The following ARHGAP15 variants were observed in gnomAD, a reference collection of about 807,000 sequenced individuals.
ARHGAP15 encodes Rho GTPase activating protein 15, also known as rho GTPase-activating protein 15.
In ARHGAP15, 51 loss-of-function variants were observed where a neutral mutation model predicts 63.7. That is an observed-to-expected ratio of 0.80 (90% CI 0.64 to 1.01). ARHGAP15 has a LOEUF of 1.01. Ranked by LOEUF, ARHGAP15 falls within the 50% of genes least tolerant of loss-of-function variation. The pLI is 0.00. For synonymous variants in ARHGAP15, 191 were observed against 193.8 expected, an observed-to-expected ratio of 0.99 and a Z score of 0.12; for missense variants, 560 against 564.6, an observed-to-expected ratio of 0.99 and a Z score of 0.08.
intron 6 of ARHGAP15, among the ~76,000 whole-genome samples, chr2:143,252,173 A>G (rs932369164): frequency 5.3e-5 from 8 of 152,070 alleles, no homozygotes; most frequent in African/African-American, 1.9e-4. Flanking sequence ...AATCTTATGA[A>G]GAGTTAAATT....
At chr2:143,701,300 A>G (rs377337953) in intron 12 of ARHGAP15, among the ~76,000 whole-genome samples, 1 of 152,158 alleles carries the variant, frequency 6.6e-6, no homozygotes, top group African/African-American at 2.4e-5. Context: ...ACTCTTTCTT[A>G]TCCTACTGTC....
At chr2:143,591,909 T>C (rs10168425) in intron 11 of ARHGAP15, among the ~76,000 whole-genome samples, 123,222 of 152,098 alleles carry the variant, frequency 0.81, 50,038 homozygotes, top group South Asian at 0.83. Context: ...TGTGAGCCAC[T>C]GCACCTGGCT....
intron 3 of ARHGAP15, among the ~76,000 whole-genome samples, chr2:143,204,663 A>AC (rs888163039): frequency 6.6e-6 from 1 of 151,932 alleles, no homozygotes; most frequent in African/African-American, 2.4e-5. Context: ...CTTTTAGTCT[A>AC]CCCCAGGTAA....
At chr2:143,249,307 T>C (rs572338667) in intron 5 of ARHGAP15, among the ~76,000 whole-genome samples, 41 of 147,526 alleles carry the variant, frequency 2.8e-4, no homozygotes, top group South Asian at 1.1e-3. Flanking sequence ...AAAAGTCTCA[T>C]AATTTACCAT....
intron 1 of ARHGAP15, among the ~76,000 whole-genome samples, chr2:143,147,126 T>G (rs1176872996): frequency 1.3e-5 from 2 of 152,026 alleles, no homozygotes; most frequent in African/African-American, 4.8e-5. Context: ...CCCAGGAAAC[T>G]GAGACAATCG....
chr2:143,431,545 C>A (rs1390989651), intron 6 of ARHGAP15, among the ~76,000 whole-genome samples: 1 of 151,946 alleles, frequency 6.6e-6, no homozygotes, highest in East Asian at 1.9e-4. Context: ...TCATGACCAC[C>A]AGTTTATGCA....
chr2:143,291,277 G>C (rs1381916483), intron 6 of ARHGAP15, among the ~76,000 whole-genome samples: 1 of 152,040 alleles, frequency 6.6e-6, no homozygotes, highest in Admixed American at 6.6e-5. Flanking sequence ...ATTTTGGGGG[G>C]TACTTGGGGA....
At chr2:143,159,850 T>C (rs923071469) in intron 2 of ARHGAP15, among the ~76,000 whole-genome samples, 1 of 151,958 alleles carries the variant, frequency 6.6e-6, no homozygotes, top group Non-Finnish European at 1.5e-5. Context: ...TTTCCTTTTA[T>C]TGCTGTGGAT....
chr2:143,594,313 G>A (rs192484781), intron 11 of ARHGAP15, among the ~76,000 whole-genome samples: 2 of 152,282 alleles, frequency 1.3e-5, no homozygotes, highest in Non-Finnish European at 2.9e-5. Context: ...CAGGTGCAAT[G>A]GGGACATTTC....
chr2:143,552,737 C>G (rs1695626026), intron 10 of ARHGAP15, among the ~76,000 whole-genome samples: 1 of 152,096 alleles, frequency 6.6e-6, no homozygotes, highest in Non-Finnish European at 1.5e-5. Context: ...ACCATTAATG[C>G]CACTCTTATT....
At chr2:143,267,545 T>C (rs1168653100) in intron 6 of ARHGAP15, among the ~76,000 whole-genome samples, 2 of 152,170 alleles carry the variant, frequency 1.3e-5, no homozygotes, top group Non-Finnish European at 2.9e-5. Flanking sequence ...GAATTCAGGG[T>C]GAAATAAGTA....
chr2:143,672,687 C>T lies in ARHGAP15; in HGVS notation c.1139-30732C>T, dbSNP rs74942677. On this transcript the variant is annotated intron_variant, in intron 12 of 13. Transcript: ENST00000295095. ...GGGCCTTCCTCCACTTGCCTTGGAA[C>T]CTTGTCACACTCTAGTTTGAGAATA... Among the ~76,000 whole-genome samples, 8 of 152,152 alleles carry T rather than the reference C, an allele frequency of 5.3e-5. 1 individual carries two copies. The highest frequency in any genetic ancestry group is 3.3e-4 in the Admixed American group (5 of 15,284).
intron 6 of ARHGAP15, among the ~76,000 whole-genome samples, chr2:143,301,068 T>A (rs1025449022): frequency 1.1e-4 from 17 of 151,936 alleles, no homozygotes; most frequent in African/African-American, 2.4e-5. Context: ...CCTTTCCTGG[T>A]GACTGTATTT....
intron 13 of ARHGAP15, among the ~76,000 whole-genome samples, chr2:143,740,934 AAAAG>A (rs564555356): frequency 5.1e-4 from 78 of 152,312 alleles, no homozygotes; most frequent in African/African-American, 1.6e-3. Context: ...AAAAAAAAGA[AAAAG>A]AAAGGCGAGG....
At chr2:143,667,928 C>T (rs1682310684) in intron 12 of ARHGAP15, among the ~76,000 whole-genome samples, 2 of 152,084 alleles carry the variant, frequency 1.3e-5, no homozygotes, top group Admixed American at 6.6e-5. Context: ...GTTGAGGCTG[C>T]AGCGAGCTAT....
At chr2:143,311,554 G>T (rs1409304438) in intron 6 of ARHGAP15, among the ~76,000 whole-genome samples, 1 of 151,982 alleles carries the variant, frequency 6.6e-6, no homozygotes, top group Admixed American at 6.6e-5. Flanking sequence ...ATAGTAATTG[G>T]GTGTGCATGC....
chr2:143,414,322 A>G (rs892162238), intron 6 of ARHGAP15, among the ~76,000 whole-genome samples: 1 of 152,002 alleles, frequency 6.6e-6, no homozygotes, highest in African/African-American at 2.4e-5. Context: ...AAAATATTTG[A>G]CAATTATAGC....
chr2:143,657,230 C>G (rs1681496440), intron 12 of ARHGAP15, among the ~76,000 whole-genome samples: 1 of 152,068 alleles, frequency 6.6e-6, no homozygotes. Context: ...GCTTGTAGTC[C>G]CAGCTACTCC....
intron 12 of ARHGAP15, among the ~76,000 whole-genome samples, chr2:143,645,520 C>T (rs1263086527): frequency 6.6e-6 from 1 of 152,034 alleles, no homozygotes; most frequent in Non-Finnish European, 1.5e-5. Context: ...CTTATCACAG[C>T]AGGTATGAGC....
Sources: gnomAD v4.1 joint callset for allele counts (sites outside exome capture counted in the v4.1 genomes callset) on GRCh38, gnomAD v4.1.1 for gene constraint, MANE v1.5 for transcripts, NCBI Gene and HGNC (gene_info 2026-07-23, HGNC 2026-07-21) for gene names.